Variants in DTNA observed in about 807,000 individuals in gnomAD.
DTNA encodes dystrobrevin alpha.
Under a neutral mutation model 100.7 loss-of-function variants are expected in DTNA, and 43 were observed. The ratio of observed to expected loss-of-function variants is 0.43; its 90% CI spans 0.33 to 0.55. DTNA has a LOEUF of 0.55. Ranked by LOEUF, DTNA falls within the 20% of genes least tolerant of loss-of-function variation. The pLI is 0.04. For synonymous variants in DTNA, 349 were observed against 347.9 expected (o/e 1.00, Z -0.04); for missense variants, 798 against 953.9 (o/e 0.84, Z 2.15).
chr18:34,509,425 G>A (rs1203914959), intron 1 of DTNA, among the ~76,000 whole-genome samples: 2 of 152,016 alleles, frequency 1.3e-5, no homozygotes, highest in Non-Finnish European at 2.9e-5. Context: ...ACTGTGTTCG[G>A]TGCTATTTAT....
chr18:34,837,203 A>C (rs1385090053), intron 11 of DTNA, among the ~76,000 whole-genome samples: 5 of 152,150 alleles, frequency 3.3e-5, no homozygotes. Flanking sequence ...GTGCAGGACA[A>C]ATTCTTACTT....
intron 1 of DTNA, among the ~76,000 whole-genome samples, chr18:34,568,550 A>G (rs1178891903): frequency 6.6e-6 from 1 of 152,120 alleles, no homozygotes; most frequent in Non-Finnish European, 1.5e-5. Context: ...CCTCATGCAT[A>G]ATCATAAAAG....
At chr18:34,580,819 C>T (rs1394942932) in intron 1 of DTNA, among the ~76,000 whole-genome samples, 1 of 152,164 alleles carries the variant, frequency 6.6e-6, no homozygotes, top group Non-Finnish European at 1.5e-5. Context: ...TGCCCTGCCC[C>T]AGCCTGTATC....
At chr18:34,615,268 C>A (rs1484725361) in intron 1 of DTNA, among the ~76,000 whole-genome samples, 2 of 152,092 alleles carry the variant, frequency 1.3e-5, no homozygotes, top group African/African-American at 4.8e-5. Context: ...CACAAGAACC[C>A]ACTATTGCAA....
chr18:34,675,705 C>T (rs2077320530), intron 1 of DTNA, among the ~76,000 whole-genome samples: 1 of 152,118 alleles, frequency 6.6e-6, no homozygotes, highest in Non-Finnish European at 1.5e-5. Context: ...TTTAATCTGA[C>T]TTGCAAATAT....
rs79901802 is a variant in DTNA, at chr18:34,506,305, A to G, written c.-2+12791A>G. Among the ~76,000 whole-genome samples, 1,003 of 152,094 alleles carry G rather than the reference A, an allele frequency of 6.6e-3. 15 individuals are homozygous for G. The highest frequency in any genetic ancestry group is 0.023 in the African/African-American group (962 of 41,482). ...TGCAAGGCAGGGGTAGAACTCCAGG[A>G]TCCTCCCACCATTACTATTGACAAC... On this transcript the variant is annotated intron_variant, in intron 1 of 19. Transcript: ENST00000283365.
chr18:34,671,936 A>G (rs941293954), intron 1 of DTNA, among the ~76,000 whole-genome samples: 6 of 152,218 alleles, frequency 3.9e-5, no homozygotes, highest in African/African-American at 9.6e-5. Flanking sequence ...AATACACTCT[A>G]TGGTATACCT....
At chr18:34,684,180 G>T (rs1003954356) in intron 1 of DTNA, among the ~76,000 whole-genome samples, 8 of 151,960 alleles carry the variant, frequency 5.3e-5, no homozygotes, top group Non-Finnish European at 1.2e-4. Context: ...TTAGGTTCTG[G>T]GATACATATG....
chr18:34,820,756 G>A, intron 8 of DTNA, 35 bp from the exon 9 acceptor site: 1 of 1,613,754 alleles, frequency 6.2e-7, no homozygotes, highest in South Asian at 1.1e-5. Flanking sequence ...ATAAATATTA[G>A]CTGTTGTCAC....
chr18:34,698,451 TG>T (rs2146082796), intron 1 of DTNA, among the ~76,000 whole-genome samples: 1 of 152,344 alleles, frequency 6.6e-6, no homozygotes, highest in East Asian at 1.9e-4. Context: ...GGCTTGCAGC[TG>T]CATCACTGCA....
chr18:34,507,868 C>A (rs1243036886), intron 1 of DTNA, among the ~76,000 whole-genome samples: 1 of 151,330 alleles, frequency 6.6e-6, no homozygotes, highest in Non-Finnish European at 1.5e-5. Context: ...GTAATCCCTC[C>A]AACCATTGAA....
intron 9 of DTNA, among the ~76,000 whole-genome samples, chr18:34,825,042 A>G (rs2095827193): frequency 1.3e-5 from 2 of 152,036 alleles, no homozygotes; most frequent in Admixed American, 1.3e-4. Context: ...GAAATGAAGC[A>G]TGTGACACAC....
chr18:34,550,617 A>G (rs1023820540), intron 1 of DTNA, among the ~76,000 whole-genome samples: 124 of 152,236 alleles, frequency 8.1e-4, no homozygotes, highest in African/African-American at 2.7e-3. Flanking sequence ...AACCAAATTA[A>G]ATGCATTGTC....
chr18:34,669,791 G>T (rs2076486735), intron 1 of DTNA, among the ~76,000 whole-genome samples: 1 of 152,222 alleles, frequency 6.6e-6, no homozygotes, highest in Non-Finnish European at 1.5e-5. Flanking sequence ...TCTGCAGAGA[G>T]ATCCGCTGTT....
At chr18:34,677,645 A>T (rs1191971532) in intron 1 of DTNA, among the ~76,000 whole-genome samples, 2 of 152,170 alleles carry the variant, frequency 1.3e-5, no homozygotes, top group Non-Finnish European at 2.9e-5. Context: ...TATATAATTT[A>T]TTCTCAGATA....
In DTNA at chr18:34,646,897, G is replaced by A. The variant is rs146509767; in HGVS notation, c.-1-109079G>A. Among the ~76,000 whole-genome samples, 990 of 151,976 alleles carry A rather than the reference G, an allele frequency of 6.5e-3. 8 individuals carry two copies. Among genetic ancestry groups the A allele is most frequent in the African/African-American group, 0.023 (946 of 41,406 alleles). On this transcript the variant is annotated intron_variant, in intron 1 of 19. Transcript: ENST00000283365. ...TGCCCAGCTAATTTTTGTATTTTTCGTAGAGACGGGGTTTCTCCATGTTGG... is the reference window on the plus strand; with the variant it reads ...TGCCCAGCTAATTTTTGTATTTTTCATAGAGACGGGGTTTCTCCATGTTGG...
chr18:34,543,985 T>A (rs1270214579), intron 1 of DTNA, among the ~76,000 whole-genome samples: 1 of 152,088 alleles, frequency 6.6e-6, no homozygotes, highest in Non-Finnish European at 1.5e-5. Context: ...AAGAGGCAGT[T>A]GCAAAGAGTG....
chr18:34,883,337 G>A (rs922238237), intron 21 of DTNA, among the ~76,000 whole-genome samples: 10 of 151,494 alleles, frequency 6.6e-5, no homozygotes, highest in Admixed American at 2.0e-4. Context: ...TTTGAGACAG[G>A]GTCTCATTCT....
upstream of DTNA, among the ~76,000 whole-genome samples, chr18:34,706,177 A>C (rs956911359): frequency 2.6e-5 from 4 of 152,092 alleles, no homozygotes; most frequent in African/African-American, 9.7e-5. Context: ...TGAACTCCCG[A>C]CCTCAGGTGA....
Sources: gnomAD v4.1 joint callset for allele counts (sites outside exome capture counted in the v4.1 genomes callset) on GRCh38, gnomAD v4.1.1 for gene constraint, MANE v1.5 for transcripts, NCBI Gene and HGNC (gene_info 2026-07-23, HGNC 2026-07-21) for gene names.